RASEF: variants seen among roughly 807,000 people sequenced by gnomAD.
RASEF encodes the protein RAS and EF-hand domain containing.
RASEF carries 68 observed loss-of-function variants against 90.1 expected under a neutral mutation model. That is an observed-to-expected ratio of 0.75 (90% CI 0.62 to 0.92). The LOEUF (loss-of-function observed/expected upper bound fraction) is 0.92. RASEF is among the 40% of genes least tolerant of loss of function. RASEF has a pLI of 0.00. For synonymous variants in RASEF, 331 were observed against 345.2 expected (o/e 0.96, Z 0.46); for missense variants, 949 against 937.2 (o/e 1.01, Z -0.16).
the RASEF span, among the ~76,000 whole-genome samples, chr9:83,101,645 T>C: frequency 1.3e-5 from 2 of 152,216 alleles, no homozygotes; most frequent in African/African-American, 4.8e-5. Context: ...CTTCAGCACA[T>C]ACACACCACG....
chr9:83,089,895 TAGATA>T, the RASEF span, among the ~76,000 whole-genome samples: 28 of 18,436 alleles, frequency 1.5e-3, no homozygotes, highest in African/African-American at 5.1e-3. Context: ...AGATAGATGA[TAGATA>T]GATAGATAGA....
At chr9:82,992,189 C>T (rs192961968) in intron 15 of RASEF, among the ~76,000 whole-genome samples, 95 of 152,336 alleles carry the variant, frequency 6.2e-4, no homozygotes, top group South Asian at 1.2e-3. Flanking sequence ...ACAGACAACA[C>T]TATCAACATC....
Position 82,983,148 on chromosome 9 carries a change from CA to C in RASEF, c.2118-367del, listed in dbSNP as rs1564066600. Among the ~76,000 whole-genome samples, 68 of 151,544 alleles carry C rather than the reference CA, an allele frequency of 4.5e-4. 1 individual carries two copies. Among genetic ancestry groups the C allele is most frequent in the Non-Finnish European group, 7.7e-4 (52 of 67,836 alleles). The stretch of plus-strand genomic sequence containing the variant: ...ACACACACACACACACACACACACA[CA>C]CACACACCCTTCTCCCCTCACTCTC... On this transcript the variant is annotated intron_variant, in intron 16 of 16. Coordinates refer to ENST00000376447, the MANE Select transcript of RASEF (RefSeq NM_152573.4).
the RASEF span, among the ~76,000 whole-genome samples, chr9:83,073,056 T>C: frequency 2.0e-5 from 3 of 152,238 alleles, no homozygotes; most frequent in African/African-American, 7.2e-5. Context: ...CAGTTCAAAT[T>C]TGTGGCACGT....
chr9:83,048,827 C>G (rs1422810600), intron 1 of RASEF: 2 of 907,148 alleles, frequency 2.2e-6, no homozygotes, highest in East Asian at 2.4e-4. Flanking sequence ...ACATGTAGAC[C>G]TTATTAAAGA....
intron 1 of RASEF, among the ~76,000 whole-genome samples, chr9:83,061,282 C>T (rs1830195740): frequency 6.6e-6 from 1 of 152,184 alleles, no homozygotes; most frequent in Non-Finnish European, 1.5e-5. Context: ...CAATATTCCC[C>T]TTACTTTCCA....
the RASEF span, among the ~76,000 whole-genome samples, chr9:83,208,107 G>A: frequency 6.6e-6 from 1 of 152,150 alleles, no homozygotes; most frequent in African/African-American, 2.4e-5. Flanking sequence ...GTCGCAGGGG[G>A]CTGTACGTTG....
chr9:82,990,173 C>T (rs554945810), intron 16 of RASEF, among the ~76,000 whole-genome samples: 1 of 152,256 alleles, frequency 6.6e-6, no homozygotes, highest in African/African-American at 2.4e-5. Flanking sequence ...TCAATGACAC[C>T]TCAGATGCAC....
chr9:83,030,178 GA>G (rs1292579654), intron 1 of RASEF, among the ~76,000 whole-genome samples: 2 of 152,112 alleles, frequency 1.3e-5, no homozygotes, highest in African/African-American at 4.8e-5. Context: ...CCAATATGGT[GA>G]AACCCTATCT....
the RASEF span, among the ~76,000 whole-genome samples, chr9:83,215,384 T>C: frequency 6.6e-6 from 1 of 152,144 alleles, no homozygotes; most frequent in Non-Finnish European, 1.5e-5. Context: ...CATCTGTGGA[T>C]GGCAAGGGTA....
chr9:83,071,819 G>A, the RASEF span, among the ~76,000 whole-genome samples: 1 of 152,244 alleles, frequency 6.6e-6, no homozygotes, highest in South Asian at 2.1e-4. Flanking sequence ...CTGGTAAGTG[G>A]GTGTCTTATT....
chr9:83,131,770 C>A, the RASEF span, among the ~76,000 whole-genome samples: 140 of 152,210 alleles, frequency 9.2e-4, no homozygotes, highest in East Asian at 0.02. Context: ...ATACTCTAAG[C>A]TATATAAGAT....
the RASEF span, among the ~76,000 whole-genome samples, chr9:83,118,708 A>G: frequency 1.3e-5 from 2 of 152,202 alleles, no homozygotes; most frequent in Admixed American, 1.3e-4. Context: ...TATGGGAGAT[A>G]AAATAAGAAA....
the RASEF span, among the ~76,000 whole-genome samples, chr9:83,130,084 A>G: frequency 1.3e-5 from 2 of 152,230 alleles, no homozygotes; most frequent in Non-Finnish European, 2.9e-5. Context: ...AAGAAAAGCA[A>G]TATGAGTTCC....
Position 82,990,570 on chromosome 9 carries a change from T to A in RASEF, c.2041-103A>T. 6.7e-6 allele frequency: 5 copies of A among 743,314 alleles called. No individual in the cohort carries two copies. The South Asian group carries it at 7.4e-5, about 11-fold the overall frequency. 46.0% of individuals were successfully genotyped at this position (743,314 alleles called of 1,614,324 possible). A position where few individuals can be genotyped will look rare whatever the true frequency, so the allele number is the denominator to read the frequency against. The stretch of plus-strand genomic sequence containing the variant: ...AATAAAAATATGTTCCTACTGAGCA[T>A]GCTAAGAGTAACTAATAGCTAAGAA... On this transcript the variant is annotated intron_variant, in intron 15 of 16. Transcript: ENST00000376447.
intron 15 of RASEF, 50 bp downstream of exon 15, chr9:82,992,856 G>A: frequency 1.3e-6 from 2 of 1,587,296 alleles, no homozygotes; most frequent in Non-Finnish European, 1.7e-6. Flanking sequence ...CGACTTCAAA[G>A]CCATTAAACC....
At chr9:83,070,383 A>G in the RASEF span, among the ~76,000 whole-genome samples, 1 of 152,172 alleles carries the variant, frequency 6.6e-6, no homozygotes, top group African/African-American at 2.4e-5. Context: ...TAAAAACACT[A>G]TCCTCTCCCT....
chr9:83,134,766 A>G, the RASEF span, among the ~76,000 whole-genome samples: 1 of 152,158 alleles, frequency 6.6e-6, no homozygotes, highest in South Asian at 2.1e-4. Flanking sequence ...GGTACACCCA[A>G]GAGAATTGAA....
At chr9:83,118,574 T>C in the RASEF span, among the ~76,000 whole-genome samples, 18 of 152,320 alleles carry the variant, frequency 1.2e-4, no homozygotes, top group East Asian at 3.3e-3. Context: ...TGTATCCATA[T>C]GGTTGTGTCC....
Sources: gnomAD v4.1 joint callset for allele counts (sites outside exome capture counted in the v4.1 genomes callset) on GRCh38, gnomAD v4.1.1 for gene constraint, MANE v1.5 for transcripts, NCBI Gene and HGNC (gene_info 2026-07-23, HGNC 2026-07-21) for gene names.